The following HTR4 variants were observed in gnomAD, a reference collection of about 807,000 sequenced individuals.
The protein encoded by HTR4 is 5-hydroxytryptamine (serotonin) receptor 4, G protein-coupled.
In HTR4, 16 loss-of-function variants were observed where a neutral mutation model predicts 36.8. That is an observed-to-expected ratio of 0.43 (90% CI 0.29 to 0.66). The LOEUF (loss-of-function observed/expected upper bound fraction) is 0.66, where lower values mean the gene tolerates loss of function less well. HTR4 is among the 30% of genes least tolerant of loss of function. The pLI is 0.13. For synonymous variants in HTR4, 189 were observed against 185.1 expected, an observed-to-expected ratio of 1.02 and a Z score of -0.17; for missense variants, 438 against 490.9, an observed-to-expected ratio of 0.89 and a Z score of 1.02.
intron 4 of HTR4, among the ~76,000 whole-genome samples, chr5:148,546,674 C>T (rs2895768): frequency 0.3 from 44,940 of 152,036 alleles, 7,211 homozygotes; most frequent in Non-Finnish European, 0.37. Context: ...TTTCTTACTC[C>T]TGCTTTTACA....
rs146547482 is a variant in HTR4 at position 148,451,236 on chromosome 5, G to A, written c.1113C>T (p.Leu371=). The A allele has an allele frequency of 7.7e-5, 124 of 1,613,870 alleles. No homozygotes were observed. In the African/African-American group the frequency reaches 1.1e-3, roughly 15 times the overall value. ...GGTCATTGTGTATGGGCAGTTTCTC[G>A]AGTTCCTGATGATGTCCCCTGTGCA... The change falls in exon 6 of 6, where the codon CTC becomes CTT. Residue 371 remains leucine (L), a synonymous_variant. Coordinates refer to the HTR4 transcript ENST00000521530.
chr5:148,627,614 T>C (rs1304178324), intron 2 of HTR4, among the ~76,000 whole-genome samples: 1 of 152,140 alleles, frequency 6.6e-6, no homozygotes, highest in African/African-American at 2.4e-5. Flanking sequence ...TTAAATGAAG[T>C]CATTACAAGC....
At chr5:148,458,779 G>A (rs1032989957) in intron 5 of HTR4, among the ~76,000 whole-genome samples, 3 of 152,192 alleles carry the variant, frequency 2.0e-5, no homozygotes, top group African/African-American at 7.2e-5. Flanking sequence ...ACCACACTAA[G>A]GACTGTTGTC....
chr5:148,579,616 G>T (rs1207158730), intron 2 of HTR4, among the ~76,000 whole-genome samples: 2 of 151,982 alleles, frequency 1.3e-5, no homozygotes, highest in Admixed American at 1.3e-4. Context: ...ATGTAGGTAG[G>T]GATCACTGCT....
At chr5:148,494,732 G>T (rs1287790914) in intron 6 of HTR4, among the ~76,000 whole-genome samples, 1 of 152,172 alleles carries the variant, frequency 6.6e-6, no homozygotes, top group Non-Finnish European at 1.5e-5. Context: ...TTACAATCAT[G>T]AGAATTTTCT....
intron 4 of HTR4, among the ~76,000 whole-genome samples, chr5:148,536,146 A>G (rs569112304): frequency 6.6e-6 from 1 of 152,276 alleles, no homozygotes; most frequent in South Asian, 2.1e-4. Context: ...AAGCTTCCTA[A>G]GTGAAGGAGA....
intron 5 of HTR4, among the ~76,000 whole-genome samples, chr5:148,521,750 CCTT>C (rs1340925526): frequency 2.6e-5 from 4 of 152,132 alleles, no homozygotes; most frequent in African/African-American, 7.2e-5. Flanking sequence ...CCCTGGTAGA[CCTT>C]CTTCTCCATT....
At chr5:148,642,945 G>A (rs900561718) in intron 1 of HTR4, among the ~76,000 whole-genome samples, 1 of 151,942 alleles carries the variant, frequency 6.6e-6, no homozygotes, top group African/African-American at 2.4e-5. Context: ...GTGTACAGGT[G>A]AAAATGTGTA....
intron 2 of HTR4, among the ~76,000 whole-genome samples, chr5:148,557,292 T>G (rs1439011848): frequency 2.6e-5 from 4 of 151,952 alleles, no homozygotes; most frequent in Non-Finnish European, 5.9e-5. Context: ...ATAAAGGTTT[T>G]TTGGGGAGTA....
At chr5:148,621,270 C>T (rs1752909151) in intron 2 of HTR4, among the ~76,000 whole-genome samples, 1 of 152,164 alleles carries the variant, frequency 6.6e-6, no homozygotes, top group African/African-American at 2.4e-5. Flanking sequence ...ATCAGGGCTG[C>T]CCACGCATGA....
At chr5:148,573,284 G>A (rs1760752801) in intron 2 of HTR4, among the ~76,000 whole-genome samples, 1 of 152,086 alleles carries the variant, frequency 6.6e-6, no homozygotes, top group African/African-American at 2.4e-5. Context: ...CATTGTCTCA[G>A]TCAGATTGGG....
intron 4 of HTR4, among the ~76,000 whole-genome samples, chr5:148,547,476 G>T (rs1433570285): frequency 6.7e-6 from 1 of 148,882 alleles, no homozygotes; most frequent in Non-Finnish European, 1.5e-5. Flanking sequence ...CCGAGATTGC[G>T]GCACTGCACT....
chr5:148,602,283 C>A (rs1432579220), intron 2 of HTR4, among the ~76,000 whole-genome samples: 3 of 151,974 alleles, frequency 2.0e-5, no homozygotes, highest in African/African-American at 7.3e-5. Flanking sequence ...ACATATACAG[C>A]TTTTTACATG....
intron 6 of HTR4, among the ~76,000 whole-genome samples, chr5:148,506,361 A>G (rs1008749720): frequency 3.9e-5 from 6 of 152,042 alleles, no homozygotes; most frequent in Admixed American, 2.6e-4. Context: ...TACACCTTAT[A>G]AAAAATTAAT....
chr5:148,589,084 A>G (rs559810952), intron 2 of HTR4, among the ~76,000 whole-genome samples: 142 of 152,124 alleles, frequency 9.3e-4, no homozygotes, highest in African/African-American at 3.3e-3. Context: ...CCCACAATCT[A>G]TTTTTTTCTC....
rs564681439 is a variant in HTR4 at position 148,514,156 on chromosome 5, A to G, written c.508-4132T>C. ...CCATCTAATTTTGAATAAAAATGAG[A>G]GTAGTTGACACCTTGTTTCACTCCC... On this transcript the variant is annotated intron_variant, in intron 5 of 6. Coordinates refer to ENST00000377888, the MANE Select transcript of HTR4 (RefSeq NM_000870.7). Among the ~76,000 whole-genome samples, 16 of 152,230 alleles carry G rather than the reference A, an allele frequency of 1.1e-4. 1 individual carries two copies. In the South Asian group the frequency reaches 2.9e-3, roughly 28 times the overall value.
intron 2 of HTR4, among the ~76,000 whole-genome samples, chr5:148,612,238 C>G (rs1301545125): frequency 2.6e-5 from 4 of 151,786 alleles, no homozygotes; most frequent in African/African-American, 9.7e-5. Context: ...TTTTTCAGCA[C>G]CACACCACAC....
Position 148,509,509 on chromosome 5 carries a change from GC to G in HTR4, c.1022del (p.Gly341AlafsTer18), listed in dbSNP as rs765199167. The G allele has an allele frequency of 5.6e-6, 9 of 1,613,682 alleles. No individual in the cohort carries two copies. In the African/African-American group the frequency reaches 1.1e-4, roughly 19 times the overall value. Reference protein sequence around the residue: ...DERYRRPSILGQTVPCSTTTI... With the variant: ...DERYRRPSILXQTVPCSTTTI... Reference sequence around the variant, plus strand: ...TTGTGGTTGAACAAGGGACAGTCTGGCCCAGAATGGAAGGTCTTCGGTAGCG... The same window carrying G: ...TTGTGGTTGAACAAGGGACAGTCTGGCCAGAATGGAAGGTCTTCGGTAGCG... On this transcript the variant is annotated frameshift_variant, in exon 6 of 7. Coordinates refer to ENST00000377888, the MANE Select transcript of HTR4 (RefSeq NM_000870.7). LOFTEE classifies it high-confidence loss of function.
chr5:148,630,586 C>G (rs1234981659), intron 2 of HTR4, among the ~76,000 whole-genome samples: 1 of 152,068 alleles, frequency 6.6e-6, no homozygotes, highest in African/African-American at 2.4e-5. Context: ...AATAACTGAT[C>G]ATTAAGGTCA....
Sources: gnomAD v4.1 joint callset for allele counts (sites outside exome capture counted in the v4.1 genomes callset) on GRCh38, gnomAD v4.1.1 for gene constraint, MANE v1.5 for transcripts, NCBI Gene and HGNC (gene_info 2026-07-23, HGNC 2026-07-21) for gene names.